Variants in SPAG16 observed in about 807,000 individuals in gnomAD.
SPAG16 encodes the protein sperm associated antigen 16.
SPAG16 carries 86 observed loss-of-function variants against 80.4 expected under a neutral mutation model. The observed-to-expected ratio is 1.07, with a 90% CI of 0.90 to 1.28. SPAG16 has a LOEUF of 1.28. SPAG16 is among the 50% of genes most tolerant of loss of function. The pLI is 0.00. For synonymous variants in SPAG16, 294 were observed against 265.9 expected (o/e 1.11, Z -1.03); for missense variants, 870 against 765.3 (o/e 1.14, Z -1.61).
intron 12 of SPAG16, among the ~76,000 whole-genome samples, chr2:213,946,241 A>T (rs1195976456): frequency 6.6e-6 from 1 of 152,064 alleles, no homozygotes; most frequent in Non-Finnish European, 1.5e-5. Context: ...CAGCCTCCTG[A>T]GCAGCTGGAA....
intron 10 of SPAG16, among the ~76,000 whole-genome samples, chr2:213,710,482 A>T (rs923804900): frequency 1.3e-5 from 2 of 152,202 alleles, no homozygotes; most frequent in African/African-American, 4.8e-5. Flanking sequence ...TTTCACAAAC[A>T]TATAGTTCAA....
chr2:213,591,164 A>G (rs1419072790), intron 10 of SPAG16, among the ~76,000 whole-genome samples: 1 of 152,214 alleles, frequency 6.6e-6, no homozygotes, highest in Non-Finnish European at 1.5e-5. Flanking sequence ...CTTCTAGGTT[A>G]TAGGAAGCAT....
chr2:213,371,728 T>C (rs114165042), intron 8 of SPAG16, among the ~76,000 whole-genome samples: 2,253 of 152,210 alleles, frequency 0.015, 29 homozygotes, highest in South Asian at 0.038. Context: ...TAATCTAAAT[T>C]TAGGGAATAA....
At chr2:213,589,490 A>G (rs2060602441) in intron 10 of SPAG16, among the ~76,000 whole-genome samples, 1 of 152,202 alleles carries the variant, frequency 6.6e-6, no homozygotes, top group Non-Finnish European at 1.5e-5. Flanking sequence ...TTTATAATAC[A>G]AATTGGAGCA....
intron 10 of SPAG16, among the ~76,000 whole-genome samples, chr2:213,681,032 A>G (rs1361444920): frequency 6.6e-6 from 1 of 152,236 alleles, no homozygotes; most frequent in Non-Finnish European, 1.5e-5. Flanking sequence ...TCTCTCAGAT[A>G]GCTGACTTCA....
At chr2:214,220,123 G>A (rs1303897429) in intron 15 of SPAG16, among the ~76,000 whole-genome samples, 1 of 151,922 alleles carries the variant, frequency 6.6e-6, no homozygotes, top group Non-Finnish European at 1.5e-5. Context: ...AAAAATAGAA[G>A]ACTGTAAATA....
intron 13 of SPAG16, among the ~76,000 whole-genome samples, chr2:214,029,125 T>C (rs911988588): frequency 2.6e-5 from 4 of 152,078 alleles, no homozygotes; most frequent in Non-Finnish European, 5.9e-5. Context: ...CTAATTAAGA[T>C]ACAGCTAGAA....
At chr2:213,979,407 G>T (rs116161000) in intron 12 of SPAG16, among the ~76,000 whole-genome samples, 1 of 151,900 alleles carries the variant, frequency 6.6e-6, no homozygotes, top group Non-Finnish European at 1.5e-5. Flanking sequence ...AGAACTGCCC[G>T]TGACTGGGTA....
chr2:213,291,812 T>C (rs973263131), intron 1 of SPAG16, among the ~76,000 whole-genome samples: 11 of 152,238 alleles, frequency 7.2e-5, no homozygotes, highest in African/African-American at 2.2e-4. Context: ...GCAAATCTTT[T>C]AATCTCTGAT....
intron 15 of SPAG16, among the ~76,000 whole-genome samples, chr2:214,192,745 C>G (rs949373030): frequency 2.0e-5 from 3 of 151,844 alleles, no homozygotes. Context: ...TAACAGAGAC[C>G]CATGGGTAAG....
At chr2:213,587,820 A>C (rs530981867) in intron 10 of SPAG16, among the ~76,000 whole-genome samples, 7 of 152,350 alleles carry the variant, frequency 4.6e-5, no homozygotes, top group Middle Eastern at 6.8e-3. Context: ...ACTGGGACTC[A>C]AAGACAATTC....
At chr2:213,760,339 T>C (rs2068587246) in intron 10 of SPAG16, among the ~76,000 whole-genome samples, 1 of 152,158 alleles carries the variant, frequency 6.6e-6, no homozygotes, top group Non-Finnish European at 1.5e-5. Context: ...AAGGACATTC[T>C]ATATTAATAA....
At chr2:213,615,020 A>G (rs1471930738) in intron 10 of SPAG16, among the ~76,000 whole-genome samples, 1 of 152,236 alleles carries the variant, frequency 6.6e-6, no homozygotes, top group Admixed American at 6.5e-5. Flanking sequence ...CAAGATTGGT[A>G]TTATTAGAAC....
intron 13 of SPAG16, among the ~76,000 whole-genome samples, chr2:214,088,912 G>T (rs1045302478): frequency 2.0e-5 from 3 of 151,698 alleles, no homozygotes; most frequent in Non-Finnish European, 4.4e-5. Context: ...AATGAAAGAA[G>T]TAAAAATGGC....
At chr2:214,294,649 T>C (rs768624374) in intron 15 of SPAG16, among the ~76,000 whole-genome samples, 12 of 152,248 alleles carry the variant, frequency 7.9e-5, no homozygotes, top group Non-Finnish European at 1.6e-4. Context: ...TAGTTAATAA[T>C]TGAACTTTGT....
intron 14 of SPAG16, among the ~76,000 whole-genome samples, chr2:214,138,838 C>G (rs2055198743): frequency 6.6e-6 from 1 of 152,106 alleles, no homozygotes; most frequent in African/African-American, 2.4e-5. Context: ...GAGCCAGATT[C>G]CTACCCCTTA....
At chr2:213,988,768 C>A (rs549135969) in intron 12 of SPAG16, among the ~76,000 whole-genome samples, 4 of 151,476 alleles carry the variant, frequency 2.6e-5, no homozygotes, top group African/African-American at 4.8e-5. Context: ...ATGTTGAAAA[C>A]TACAAAACAC....
At chr2:213,532,664 T>C (rs1015651568) in intron 10 of SPAG16, among the ~76,000 whole-genome samples, 2 of 151,636 alleles carry the variant, frequency 1.3e-5, no homozygotes, top group African/African-American at 4.9e-5. Context: ...GGTTTCACTA[T>C]GTTGTCCAGG....
At chr2:213,590,324 A>G (rs2060638796) in intron 10 of SPAG16, among the ~76,000 whole-genome samples, 1 of 152,124 alleles carries the variant, frequency 6.6e-6, no homozygotes, top group Non-Finnish European at 1.5e-5. Flanking sequence ...AATATAGTAC[A>G]TGATAGATAG....
Sources: allele counts gnomAD v4.1 joint callset (sites outside exome capture counted in the v4.1 genomes callset), GRCh38; gene constraint gnomAD v4.1.1; transcripts MANE v1.5; gene names NCBI Gene and HGNC (gene_info 2026-07-23, HGNC 2026-07-21).